KHDRBS2: variants seen among roughly 807,000 people sequenced by gnomAD.
The protein encoded by KHDRBS2 is KH RNA binding domain containing, signal transduction associated 2.
In KHDRBS2, 26 loss-of-function variants were observed where a neutral mutation model predicts 44.3. The ratio of observed to expected loss-of-function variants is 0.59; its 90% CI spans 0.43 to 0.81. The LOEUF (loss-of-function observed/expected upper bound fraction) is 0.81. KHDRBS2 is among the 40% of genes least tolerant of loss of function. The pLI is 0.00. For missense variants in KHDRBS2, 476 were observed against 433.1 expected, an observed-to-expected ratio of 1.10 and a Z score of -0.88; for synonymous variants, 194 against 151.1, an observed-to-expected ratio of 1.28 and a Z score of -2.08.
intron 3 of KHDRBS2, among the ~76,000 whole-genome samples, chr6:62,027,895 G>A (rs898925230): frequency 4.6e-5 from 7 of 152,028 alleles, no homozygotes; most frequent in Admixed American, 4.6e-4. Context: ...ATCTAGTTAA[G>A]TAAATTGTTT....
intron 6 of KHDRBS2, among the ~76,000 whole-genome samples, chr6:61,856,353 A>G (rs1370254330): frequency 6.6e-6 from 1 of 152,112 alleles, no homozygotes; most frequent in East Asian, 1.9e-4. Flanking sequence ...CCTGATAACA[A>G]CAGAAACAAA....
chr6:61,618,480 T>C, the KHDRBS2 span, among the ~76,000 whole-genome samples: 1 of 152,222 alleles, frequency 6.6e-6, no homozygotes, highest in African/African-American at 2.4e-5. Flanking sequence ...TTAACTTTTA[T>C]TTTAAGTTCA....
intron 3 of KHDRBS2, among the ~76,000 whole-genome samples, chr6:62,034,899 G>A (rs1256408482): frequency 6.6e-6 from 1 of 151,852 alleles, no homozygotes; most frequent in Non-Finnish European, 1.5e-5. Flanking sequence ...CCACATCATT[G>A]ATCATCAGAG....
intron 4 of KHDRBS2, among the ~76,000 whole-genome samples, chr6:61,915,632 T>C (rs1227863270): frequency 1.3e-5 from 2 of 152,096 alleles, no homozygotes; most frequent in African/African-American, 4.8e-5. Context: ...CATCTCATTT[T>C]ATGCACTTCT....
At chr6:61,925,067 G>A (rs1271628994) in intron 4 of KHDRBS2, among the ~76,000 whole-genome samples, 1 of 152,054 alleles carries the variant, frequency 6.6e-6, no homozygotes, top group African/African-American at 2.4e-5. Flanking sequence ...ATACTGTGGT[G>A]CCTCAAATAG....
At chr6:61,628,774 A>G in the KHDRBS2 span, among the ~76,000 whole-genome samples, 1 of 152,174 alleles carries the variant, frequency 6.6e-6, no homozygotes, top group South Asian at 2.1e-4. Context: ...GTGGTTATCA[A>G]TTGGCTACTA....
chr6:61,660,775 T>C, the KHDRBS2 span, among the ~76,000 whole-genome samples: 1 of 151,728 alleles, frequency 6.6e-6, no homozygotes, highest in Admixed American at 6.6e-5. Context: ...GAAATTGAAC[T>C]TCTCCTCTAA....
chr6:62,071,524 G>C (rs189513081), intron 2 of KHDRBS2, among the ~76,000 whole-genome samples: 165 of 152,216 alleles, frequency 1.1e-3, no homozygotes, highest in African/African-American at 3.5e-3. Context: ...TGTACAACTT[G>C]TAAGGAAGAG....
the KHDRBS2 span, among the ~76,000 whole-genome samples, chr6:61,560,838 G>A: frequency 2.0e-5 from 3 of 152,104 alleles, no homozygotes; most frequent in Admixed American, 6.6e-5. Flanking sequence ...TTCATTTGCT[G>A]AGAACATGTT....
chr6:62,049,352 C>T (rs760436772), intron 2 of KHDRBS2, among the ~76,000 whole-genome samples: 9 of 151,876 alleles, frequency 5.9e-5, no homozygotes, highest in African/African-American at 1.2e-4. Flanking sequence ...CTCTTTCACA[C>T]GTAGGCAAAC....
chr6:61,797,115 T>G (rs558465376), intron 6 of KHDRBS2, among the ~76,000 whole-genome samples: 4 of 152,058 alleles, frequency 2.6e-5, no homozygotes, highest in Non-Finnish European at 5.9e-5. Flanking sequence ...AAAAAAATAC[T>G]AAATACCCCT....
chr6:62,275,535 A>G (rs1189628717), intron 1 of KHDRBS2, among the ~76,000 whole-genome samples: 2 of 152,202 alleles, frequency 1.3e-5, no homozygotes, highest in African/African-American at 4.8e-5. Flanking sequence ...TCTGCATTTT[A>G]TAATACTCTT....
intron 3 of KHDRBS2, among the ~76,000 whole-genome samples, chr6:61,989,896 CCAAGTCT>C (rs1414126299): frequency 1.2e-4 from 19 of 152,116 alleles, no homozygotes; most frequent in Admixed American, 6.5e-5. Flanking sequence ...AATCTGCTTT[CCAAGTCT>C]CAACTAGTGA....
the KHDRBS2 span, among the ~76,000 whole-genome samples, chr6:61,562,180 A>G: frequency 1.3e-5 from 2 of 152,178 alleles, no homozygotes; most frequent in Non-Finnish European, 2.9e-5. Flanking sequence ...TTCTCAAATC[A>G]TCTAGGAAAA....
chr6:61,570,155 C>A, the KHDRBS2 span, among the ~76,000 whole-genome samples: 1 of 151,854 alleles, frequency 6.6e-6, no homozygotes. Flanking sequence ...AAGGTGAAAT[C>A]CAACTTAATG....
chr6:62,194,696 A>T (rs922444535), intron 1 of KHDRBS2, among the ~76,000 whole-genome samples: 1 of 151,168 alleles, frequency 6.6e-6, no homozygotes, highest in Non-Finnish European at 1.5e-5. Context: ...TAGTAGAGAC[A>T]GGGTTTCACC....
intron 4 of KHDRBS2, among the ~76,000 whole-genome samples, chr6:61,923,880 T>C (rs1484277594): frequency 6.6e-6 from 1 of 152,070 alleles, no homozygotes; most frequent in Non-Finnish European, 1.5e-5. Context: ...CATTGGGATA[T>C]GACATTGGTT....
chr6:62,275,066 C>T (rs1840710165), intron 1 of KHDRBS2, among the ~76,000 whole-genome samples: 1 of 151,160 alleles, frequency 6.6e-6, no homozygotes, highest in African/African-American at 2.4e-5. Context: ...TCATTTTACT[C>T]AAAGGGAAAC....
At chr6:61,618,569 C>T in the KHDRBS2 span, among the ~76,000 whole-genome samples, 7 of 152,058 alleles carry the variant, frequency 4.6e-5, no homozygotes, top group African/African-American at 1.7e-4. Flanking sequence ...ATTTATCTCC[C>T]AGGTATTACA....
Sources: allele counts gnomAD v4.1 joint callset (sites outside exome capture counted in the v4.1 genomes callset), GRCh38; gene constraint gnomAD v4.1.1; transcripts MANE v1.5; gene names NCBI Gene and HGNC (gene_info 2026-07-23, HGNC 2026-07-21).